The following CDK5RAP2 variants were observed in gnomAD, a reference collection of about 807,000 sequenced individuals.
The protein encoded by CDK5RAP2 is CDK5 regulatory subunit associated protein 2.
A neutral mutation model predicts 232.9 loss-of-function variants in CDK5RAP2; 147 were observed. That is an observed-to-expected ratio of 0.63 (90% CI 0.55 to 0.72). The LOEUF (loss-of-function observed/expected upper bound fraction) is 0.72. Among genes scored for constraint, CDK5RAP2 ranks in the 30% least tolerant of loss-of-function variants. The pLI, the probability that CDK5RAP2 is intolerant of heterozygous loss-of-function variation, is 0.00. For missense variants in CDK5RAP2, 2,195 were observed against 2,231.5 expected (o/e 0.98, Z 0.33); for synonymous variants, 833 against 833.7 (o/e 1.00, Z 0.01).
At chr9:120,442,677 G>A (rs1332422601) in intron 23 of CDK5RAP2, among the ~76,000 whole-genome samples, 1 of 152,176 alleles carries the variant, frequency 6.6e-6, no homozygotes, top group Non-Finnish European at 1.5e-5. Flanking sequence ...TGCATTATAA[G>A]AAATACTATA....
chr9:120,409,358 GT>G (rs1247195269), intron 29 of CDK5RAP2, 42 bp from the exon 30 acceptor site: 1 of 1,424,038 alleles, frequency 7.0e-7, no homozygotes, highest in Admixed American at 2.0e-5. Context: ...GCCACCATTT[GT>G]TTTTTCCAAC....
chr9:120,394,416 C>A, intron 36 of CDK5RAP2, 96 bp downstream of exon 36: 1 of 1,596,494 alleles, frequency 6.3e-7, no homozygotes, highest in South Asian at 1.1e-5. Flanking sequence ...TGATTACAAA[C>A]CATCTGGGCT....
chr9:120,564,385 G>C (rs974458952), intron 3 of CDK5RAP2, among the ~76,000 whole-genome samples: 2 of 151,810 alleles, frequency 1.3e-5, no homozygotes, highest in Non-Finnish European at 2.9e-5. Flanking sequence ...AGCTACTAGG[G>C]AGGCTGAAGC....
intron 14 of CDK5RAP2, among the ~76,000 whole-genome samples, chr9:120,484,946 A>C (rs897854686): frequency 1.3e-5 from 2 of 151,500 alleles, no homozygotes; most frequent in African/African-American, 4.9e-5. Context: ...CTGGTCTCCA[A>C]CTCCTGGCCT....
chr9:120,573,374 C>T (rs1482972538), intron 1 of CDK5RAP2, among the ~76,000 whole-genome samples: 1 of 151,966 alleles, frequency 6.6e-6, no homozygotes, highest in Non-Finnish European at 1.5e-5. Context: ...CATGGTAAAA[C>T]CCCATCTCTA....
intron 14 of CDK5RAP2, among the ~76,000 whole-genome samples, chr9:120,484,611 A>G (rs891163725): frequency 7.9e-5 from 12 of 152,076 alleles, no homozygotes; most frequent in African/African-American, 2.9e-4. Flanking sequence ...AGAATCCTAG[A>G]TACTTGGGAG....
At chr9:120,460,808 G>A in intron 18 of CDK5RAP2, 141 bp from the exon 19 acceptor site, 1 of 1,408,092 alleles carries the variant, frequency 7.1e-7, no homozygotes, top group Non-Finnish European at 9.7e-7. Flanking sequence ...AAATGCCAAA[G>A]CCATGAAATA....
intron 2 of CDK5RAP2, among the ~76,000 whole-genome samples, chr9:120,570,838 C>T (rs1251506153): frequency 6.6e-6 from 1 of 151,664 alleles, no homozygotes; most frequent in African/African-American, 2.4e-5. Flanking sequence ...GACTCCATCT[C>T]AAATCAGACT....
chr9:120,438,434 C>A (rs533651330), intron 24 of CDK5RAP2, among the ~76,000 whole-genome samples: 2 of 152,190 alleles, frequency 1.3e-5, no homozygotes, highest in African/African-American at 4.8e-5. Context: ...AAGGTGGGGG[C>A]CAGTATCATG....
At chr9:120,442,675 AAG>A (rs2035966044) in intron 23 of CDK5RAP2, among the ~76,000 whole-genome samples, 1 of 152,244 alleles carries the variant, frequency 6.6e-6, no homozygotes, top group Non-Finnish European at 1.5e-5. Flanking sequence ...TTTGCATTAT[AAG>A]AAATACTATA....
At chr9:120,550,660 C>T in intron 4 of CDK5RAP2, 132 bp downstream of exon 4, 1 of 717,904 alleles carries the variant, frequency 1.4e-6, no homozygotes, top group South Asian at 1.5e-5. Context: ...TTTATGCTCC[C>T]CATAATCAAT....
chr9:120,394,397 T>C, intron 36 of CDK5RAP2, 115 bp downstream of exon 36: 6 of 1,502,068 alleles, frequency 4.0e-6, no homozygotes, highest in East Asian at 4.5e-5. Flanking sequence ...AGCCCACAGA[T>C]AGGAGGCATG....
intron 9 of CDK5RAP2, among the ~76,000 whole-genome samples, chr9:120,528,318 T>TG (rs1588576193): frequency 2.3e-3 from 1 of 442 alleles, no homozygotes; most frequent in East Asian, 0.25. Context: ...TCTGAGTTCA[T>TG]TCTAAAGATA....
At chr9:120,521,523 C>T (rs1290300069) in intron 11 of CDK5RAP2, among the ~76,000 whole-genome samples, 1 of 152,128 alleles carries the variant, frequency 6.6e-6, no homozygotes. Flanking sequence ...AGGGCAGTTC[C>T]CCTGCACATG....
intron 28 of CDK5RAP2, among the ~76,000 whole-genome samples, chr9:120,413,428 G>A (rs1209860943): frequency 1.3e-5 from 2 of 152,230 alleles, no homozygotes; most frequent in Non-Finnish European, 2.9e-5. Context: ...TCACAGCAGG[G>A]GGAGGCGGAG....
Position 120,458,564 on chromosome 9 carries a change from G to A in CDK5RAP2, c.2261C>T (p.Ser754Phe). Residue 754 changes from serine to phenylalanine, a missense_variant, in exon 20 of 38, where the codon TCT becomes TTT. Coordinates refer to ENST00000349780, the MANE Select transcript of CDK5RAP2 (RefSeq NM_018249.6). ...CKNGYLRHTE[S>F]KISDCDGAHA... ...GGCCCCATCACAATCTGAAATCTTAGACTCCGTGTGCCTTAAGTATCCATT... is the reference window on the plus strand; with the variant it reads ...GGCCCCATCACAATCTGAAATCTTAAACTCCGTGTGCCTTAAGTATCCATT... The A allele has an allele frequency of 6.2e-7, 1 of 1,614,140 alleles. No homozygotes were observed. The highest frequency in any genetic ancestry group is 8.5e-7 in the Non-Finnish European group (1 of 1,180,008).
intron 28 of CDK5RAP2, 69 bp downstream of exon 28, chr9:120,414,971 A>T (rs1216736566): frequency 1.9e-6 from 3 of 1,574,204 alleles, no homozygotes; most frequent in Non-Finnish European, 2.6e-6. Flanking sequence ...ACAGATGCTT[A>T]CTCAGGCAAA....
chr9:120,457,891 C>T (rs1477844202), intron 20 of CDK5RAP2, among the ~76,000 whole-genome samples: 1 of 152,158 alleles, frequency 6.6e-6, no homozygotes. Context: ...GCCCAAGCAG[C>T]TGTTATGGAT....
chr9:120,580,086 C>A lies in CDK5RAP2; in HGVS notation c.-108G>T. 1.5e-6 allele frequency: 1 copy of A among 680,882 alleles called. No individual in the cohort carries two copies. The allele number at this position is 680,882 out of a possible 1,614,324, so 42.2% of individuals were successfully genotyped here. ...CAGGTCCCCGCCCCCTCCACCCCAG[C>A]TCTTGTTCAGACTCTGGCGGCGCCG... is the stretch of plus-strand genomic sequence containing the variant. On this transcript the variant is annotated 5_prime_UTR_variant, in exon 1 of 38. Coordinates refer to ENST00000349780, the MANE Select transcript of CDK5RAP2 (RefSeq NM_018249.6).
Sources: allele counts gnomAD v4.1 joint callset (sites outside exome capture counted in the v4.1 genomes callset), GRCh38; gene constraint gnomAD v4.1.1; transcripts MANE v1.5; gene names NCBI Gene and HGNC (gene_info 2026-07-23, HGNC 2026-07-21).